The following PATL2 variants were observed in gnomAD, a reference collection of about 807,000 sequenced individuals.
The protein encoded by PATL2 is protein PAT1 homolog 2.
Under a neutral mutation model 77.0 loss-of-function variants are expected in PATL2, and 73 were observed. The observed-to-expected ratio is 0.95, with a 90% CI of 0.78 to 1.15. The LOEUF (loss-of-function observed/expected upper bound fraction) is 1.15. PATL2 is among the 50% of genes most tolerant of loss of function. The pLI is 0.00. For missense variants in PATL2, 618 were observed against 655.4 expected, an observed-to-expected ratio of 0.94 and a Z score of 0.62; for synonymous variants, 265 against 257.1, an observed-to-expected ratio of 1.03 and a Z score of -0.29.
intron 3 of PATL2, among the ~76,000 whole-genome samples, chr15:44,699,410 C>T (rs1272446116): frequency 6.6e-6 from 1 of 152,166 alleles, no homozygotes; most frequent in African/African-American, 2.4e-5. Flanking sequence ...GTGGTCTCAG[C>T]TCACTACAAC....
chr15:44,683,050 A>G (rs994725835), intron 3 of PATL2, among the ~76,000 whole-genome samples: 2 of 152,106 alleles, frequency 1.3e-5, no homozygotes, highest in African/African-American at 4.8e-5. Flanking sequence ...GGGACGGTGC[A>G]CTCTGACCCA....
chr15:44,708,939 C>CA (rs2086794992), intron 3 of PATL2, among the ~76,000 whole-genome samples: 1 of 152,240 alleles, frequency 6.6e-6, no homozygotes, highest in African/African-American at 2.4e-5. Context: ...TGCTCTGTTG[C>CA]CCAGGCTGGA....
chr15:44,676,413 C>T, intron 4 of PATL2, 62 bp downstream of exon 4: 1 of 1,414,216 alleles, frequency 7.1e-7, no homozygotes, highest in South Asian at 1.2e-5. Flanking sequence ...ATATGTGAAA[C>T]AGACCAGCAA....
At chr15:44,680,821 C>T (rs2086118139) in intron 3 of PATL2, among the ~76,000 whole-genome samples, 1 of 152,166 alleles carries the variant, frequency 6.6e-6, no homozygotes, top group Non-Finnish European at 1.5e-5. Context: ...ACATAATCTC[C>T]ATAAGCCCCT....
chr15:44,666,997 T>A (rs2085406565), intron 16 of PATL2, 109 bp downstream of exon 16: 1 of 860,594 alleles, frequency 1.2e-6, no homozygotes, highest in Non-Finnish European at 1.9e-6. Context: ...ACTTTCTCTA[T>A]CCAACCTCTT....
At chr15:44,667,584 A>G (rs1366534382) in intron 15 of PATL2, among the ~76,000 whole-genome samples, 1 of 152,234 alleles carries the variant, frequency 6.6e-6, no homozygotes, top group Non-Finnish European at 1.5e-5. Context: ...CCACTGGGAT[A>G]TTAGAAGAGA....
chr15:44,698,618 G>A (rs993227086), intron 3 of PATL2, among the ~76,000 whole-genome samples: 1 of 152,112 alleles, frequency 6.6e-6, no homozygotes, highest in African/African-American at 2.4e-5. Flanking sequence ...TTGTGTATGT[G>A]TACCACATTT....
In PATL2 at chr15:44,669,689, T is replaced by A. The variant is rs748592918; in HGVS notation, c.876+88A>T. 147 of 1,512,408 alleles carry A rather than the reference T, an allele frequency of 9.7e-5. 1 individual carries two copies. The highest frequency in any genetic ancestry group is 7.3e-4 in the Middle Eastern group (4 of 5,516). The allele number at this position is 1,512,408 out of a possible 1,614,324, so 93.7% of individuals were successfully genotyped here. A position where few individuals can be genotyped will look rare whatever the true frequency, so the allele number is the denominator to read the frequency against. On this transcript the variant is annotated intron_variant, in intron 11 of 17. Transcript: ENST00000682850. ...AAAGTCTGATCACACTTCTTCCTCC[T>A]TCTTCGGTCACAGTCTTAAACACAA...
At chr15:44,703,698 G>T (rs2086675087) in intron 3 of PATL2, among the ~76,000 whole-genome samples, 1 of 109,674 alleles carries the variant, frequency 9.1e-6, no homozygotes, top group Non-Finnish European at 1.8e-5. Context: ...TGTGCTCCTT[G>T]TAGGCAACAA....
At chr15:44,666,635 A>G (rs2085386265) in intron 16 of PATL2, 94 bp from the exon 17 acceptor site, 2 of 1,290,468 alleles carry the variant, frequency 1.5e-6, no homozygotes. Flanking sequence ...TACTACTACC[A>G]TTGTCCCCCA....
intron 3 of PATL2, among the ~76,000 whole-genome samples, chr15:44,701,560 G>A: frequency 6.6e-6 from 1 of 151,690 alleles, no homozygotes; most frequent in East Asian, 1.9e-4. Context: ...GCTGGGTGTG[G>A]TGGTACATGC....
intron 3 of PATL2, among the ~76,000 whole-genome samples, chr15:44,701,382 T>C (rs968001100): frequency 1.2e-4 from 18 of 151,826 alleles, no homozygotes; most frequent in Non-Finnish European, 2.5e-4. Flanking sequence ...GTGTTTTGGG[T>C]CTTTCTTGCA....
intron 3 of PATL2, among the ~76,000 whole-genome samples, chr15:44,692,129 TTGCAGAGAAA>T (rs755770231): frequency 3.6e-4 from 55 of 152,328 alleles, no homozygotes; most frequent in Admixed American, 1.6e-3. Context: ...AAAAAGCAGT[TTGCAGAGAAA>T]TCTCTGCACA....
intron 9 of PATL2, among the ~76,000 whole-genome samples, chr15:44,670,861 A>T (rs1250799209): frequency 1.3e-5 from 2 of 152,254 alleles, no homozygotes; most frequent in African/African-American, 4.8e-5. Context: ...CCAGAGGTTT[A>T]AGCACAGAAC....
In PATL2 at chr15:44,676,579, G is replaced by A; in HGVS notation, c.-75-14C>T. On this transcript the variant is annotated splice_polypyrimidine_tract_variant and intron_variant, in intron 3 of 17. Coordinates refer to ENST00000682850, the MANE Select transcript of PATL2 (RefSeq NM_001387263.1). ...TGGAAGGTAAACCTGAGACAAGAAA[G>A]AGGCCAAGAGGCACCATCCTCAGTC... The A allele has an allele frequency of 5.2e-6, 8 of 1,540,816 alleles. No individual in the cohort carries two copies. The highest frequency in any genetic ancestry group is 7.0e-6 in the Non-Finnish European group (8 of 1,138,466).
intron 6 of PATL2, among the ~76,000 whole-genome samples, chr15:44,673,645 T>C (rs1433031208): frequency 6.6e-6 from 1 of 152,128 alleles, no homozygotes; most frequent in Admixed American, 6.5e-5. Context: ...AGTCAACACT[T>C]CTCACCCTCC....
chr15:44,700,299 TTTTC>T (rs2086601387), intron 3 of PATL2, among the ~76,000 whole-genome samples: 1 of 152,140 alleles, frequency 6.6e-6, no homozygotes, highest in African/African-American at 2.4e-5. Flanking sequence ...TTTCTTTTTA[TTTTC>T]TTTCTTTTTG....
At chr15:44,675,282 G>A (rs2085896784) in intron 5 of PATL2, 3 of 622,572 alleles carry the variant, frequency 4.8e-6, no homozygotes, top group African/African-American at 3.7e-5. Context: ...GTTTTAAGGC[G>A]AGAACAGCAT....
chr15:44,708,249 A>G (rs2086780799), intron 3 of PATL2, among the ~76,000 whole-genome samples: 1 of 150,690 alleles, frequency 6.6e-6, no homozygotes, highest in African/African-American at 2.5e-5. Context: ...TGTGTGGATC[A>G]TTATTCAATT....
Sources: gnomAD v4.1 joint callset for allele counts (sites outside exome capture counted in the v4.1 genomes callset) on GRCh38, gnomAD v4.1.1 for gene constraint, MANE v1.5 for transcripts, NCBI Gene and HGNC (gene_info 2026-07-23, HGNC 2026-07-21) for gene names.